SECTM1: variants seen among roughly 807,000 people sequenced by gnomAD.
The protein encoded by SECTM1 is secreted and transmembrane protein 1.
A neutral mutation model predicts 18.1 loss-of-function variants in SECTM1; 10 were observed. The ratio of observed to expected loss-of-function variants is 0.55; its 90% CI spans 0.34 to 0.94. The LOEUF (loss-of-function observed/expected upper bound fraction) is 0.94, where lower values mean the gene tolerates loss of function less well. Among genes scored for constraint, SECTM1 ranks in the 40% least tolerant of loss-of-function variants. The pLI is 0.02. For synonymous variants in SECTM1, 137 were observed against 139.2 expected (o/e 0.98, Z 0.11); for missense variants, 297 against 322.6 (o/e 0.92, Z 0.61).
chr17:82,322,007 G>T lies in SECTM1; in HGVS notation c.*154C>A. 1.5e-6 allele frequency: 1 copy of T among 657,748 alleles called. No individual in the cohort carries two copies. Among genetic ancestry groups the T allele is most frequent in the Non-Finnish European group, 2.6e-6 (1 of 380,016 alleles). The allele number at this position is 657,748 out of a possible 1,614,324, so 40.7% of individuals were successfully genotyped here. ...AAGACCTGGGGGGTGGAGGGGAAGG[G>T]TCTGCACGCACCCAGGAGTGGGTGA... On this transcript the variant is annotated 3_prime_UTR_variant, in exon 5 of 5. Transcript: ENST00000269389.
chr17:82,324,278 G>C (rs1294824649), intron 3 of SECTM1, among the ~76,000 whole-genome samples: 1 of 151,594 alleles, frequency 6.6e-6, no homozygotes, highest in Non-Finnish European at 1.5e-5. Flanking sequence ...GAGCAGCTTT[G>C]TGTTCTGTGT....
Position 82,328,874 on chromosome 17 carries a change from C to T in SECTM1, c.-52-1582G>A, listed in dbSNP as rs2052169775. On this transcript the variant is annotated intron_variant, in intron 1 of 4. Coordinates refer to ENST00000269389, the MANE Select transcript of SECTM1 (RefSeq NM_003004.3). The surrounding 1 kb of genome is among the most constrained non-coding windows in gnomAD (Gnocchi z 5.8). Reference sequence around the variant, plus strand: ...AAGTCCCTAGGTAGGGCGGCAACTCCAGCCCTGCCTCTCCCAGCTCCCAGT... The same window carrying T: ...AAGTCCCTAGGTAGGGCGGCAACTCTAGCCCTGCCTCTCCCAGCTCCCAGT... 6.6e-6 allele frequency among the ~76,000 whole-genome samples: 1 copy of T among 152,200 alleles called. No homozygotes were observed. Among genetic ancestry groups the T allele is most frequent in the African/African-American group, 2.4e-5 (1 of 41,458 alleles).
In SECTM1 at chr17:82,322,984, G is replaced by T; in HGVS notation, c.431C>A (p.Thr144Asn). 1 of 1,613,638 alleles carries T rather than the reference G, an allele frequency of 6.2e-7. No homozygotes were observed. Residue 144 changes from threonine to asparagine, a missense_variant, in exon 4 of 5, where the codon ACT (threonine) becomes AAT (asparagine). Transcript: ENST00000269389. Reference protein sequence around the residue: ...SGAEPQSAPDTGFWPVPAVVT... With the variant: ...SGAEPQSAPDNGFWPVPAVVT... ...CACCGCTGGCACAGGCCAGAACCCA[G>T]TGTCGGGGGCGGACTGGGGTTCTGC...
Position 82,321,861 on chromosome 17 carries a change from CAGAA to C in SECTM1, c.*296_*299del, listed in dbSNP as rs1268907022. 9 of 398,138 alleles carry C rather than the reference CAGAA, an allele frequency of 2.3e-5. No individual in the cohort carries two copies. The highest frequency in any genetic ancestry group is 2.1e-4 in the Admixed American group (5 of 23,662). The allele number at this position is 398,138 out of a possible 1,614,324, so 24.7% of individuals were successfully genotyped here. A position where few individuals can be genotyped will look rare whatever the true frequency, so the allele number is the denominator to read the frequency against. On this transcript the variant is annotated 3_prime_UTR_variant, in exon 5 of 5. Transcript: ENST00000269389. ...CTGGGGCCGGACCAGCCTGGGGTGG[CAGAA>C]AGGGAGTCCGGGTCTGTGGGTTTGA...
chr17:82,332,052 G>C (rs909266118), intron 1 of SECTM1, among the ~76,000 whole-genome samples: 1 of 152,192 alleles, frequency 6.6e-6, no homozygotes, highest in East Asian at 1.9e-4. Context: ...TGAGGCAGGA[G>C]AATCGCTTGA....
rs899331717 is a variant in SECTM1, at chr17:82,333,728, G to C, written c.-81C>G. Reference sequence around the variant, plus strand: ...GTCCGCTCCTGGACGCGCTCCTCTGGGATGCAGCTTCTCCGCGCCCCGGAG... The same window carrying C: ...GTCCGCTCCTGGACGCGCTCCTCTGCGATGCAGCTTCTCCGCGCCCCGGAG... On this transcript the variant is annotated 5_prime_UTR_variant, in exon 1 of 5. Coordinates refer to ENST00000269389, the MANE Select transcript of SECTM1 (RefSeq NM_003004.3). 1.0e-4 allele frequency: 15 copies of C among 148,910 alleles called. No individual in the cohort carries two copies. The highest frequency in any genetic ancestry group is 3.7e-4 in the African/African-American group (15 of 40,764). The allele number at this position is 148,910 out of a possible 1,614,324, so 9.2% of individuals were successfully genotyped here. A position where few individuals can be genotyped will look rare whatever the true frequency, so the allele number is the denominator to read the frequency against.
chr17:82,321,198 T>A lies in SECTM1; in HGVS notation c.*963A>T, dbSNP rs2052084071. ...GGCTGGGGGCTCCCCCCCGTCTTCATCTCGAGGACGCCTTAGGGACGTTTT... is the reference window on the plus strand; with the variant it reads ...GGCTGGGGGCTCCCCCCCGTCTTCAACTCGAGGACGCCTTAGGGACGTTTT... On this transcript the variant is annotated 3_prime_UTR_variant, in exon 5 of 5. Coordinates refer to ENST00000269389, the MANE Select transcript of SECTM1 (RefSeq NM_003004.3). 1 of 152,050 alleles carries A rather than the reference T, an allele frequency of 6.6e-6. No individual in the cohort carries two copies. Among genetic ancestry groups the A allele is most frequent in the Non-Finnish European group, 1.5e-5 (1 of 68,006 alleles). The allele number at this position is 152,050 out of a possible 1,614,324, so 9.4% of individuals were successfully genotyped here. A position where few individuals can be genotyped will look rare whatever the true frequency, so the allele number is the denominator to read the frequency against.
chr17:82,331,945 G>C (rs2052194884), intron 1 of SECTM1, among the ~76,000 whole-genome samples: 1 of 152,036 alleles, frequency 6.6e-6, no homozygotes, highest in African/African-American at 2.4e-5. Context: ...TTTGAGACCA[G>C]TCTGAACAAC....
rs2052084809 is a variant in SECTM1, at chr17:82,321,259, TTTTG to T, written c.*898_*901del. The T allele has an allele frequency of 6.6e-6, 1 of 152,198 alleles. No homozygotes were observed. Among genetic ancestry groups the T allele is most frequent in the African/African-American group, 2.4e-5 (1 of 41,450 alleles). The allele number at this position is 152,198 out of a possible 1,614,324, so 9.4% of individuals were successfully genotyped here. Reference sequence around the variant, plus strand: ...GCCACTAAAGACGTTTCTTTCAGATTTTTGTTTTCCATTTTAAAAATTGCATTTG... The same window carrying T: ...GCCACTAAAGACGTTTCTTTCAGATTTTTTCCATTTTAAAAATTGCATTTG... On this transcript the variant is annotated 3_prime_UTR_variant, in exon 5 of 5. Coordinates refer to ENST00000269389, the MANE Select transcript of SECTM1 (RefSeq NM_003004.3).
At chr17:82,331,462 T>G (rs967328108) in intron 1 of SECTM1, among the ~76,000 whole-genome samples, 6 of 152,184 alleles carry the variant, frequency 3.9e-5, no homozygotes, top group African/African-American at 1.4e-4. Context: ...ACCAGGCACA[T>G]CTGGTCACAT....
intron 1 of SECTM1, among the ~76,000 whole-genome samples, chr17:82,331,440 C>A (rs1169365922): frequency 2.0e-5 from 3 of 152,182 alleles, no homozygotes; most frequent in South Asian, 2.1e-4. Context: ...CAACACAGGC[C>A]CCTCTCAGGT....
At position 82,322,874 on chromosome 17, in the gene SECTM1, C is replaced by T. The variant is rs1213636439; in HGVS notation, c.537+4G>A. 15 of 1,613,506 alleles carry T rather than the reference C, an allele frequency of 9.3e-6. No individual in the cohort carries two copies. The highest frequency in any genetic ancestry group is 1.3e-5 in the Non-Finnish European group (15 of 1,179,876). On this transcript the variant is annotated splice_donor_region_variant and intron_variant, in intron 4 of 4. Transcript: ENST00000269389. ...CGCACAAACTGGGGTGCAGGGCCTC[C>T]TACCTCCCGGCGTTGCTGGGAACAG...
rs1158145378 is a variant in SECTM1 at position 82,330,588 on chromosome 17, C to T, written c.-53+3112G>A. Among the ~76,000 whole-genome samples the T allele has an allele frequency of 2.0e-5, 3 of 152,318 alleles. No homozygotes were observed. The highest frequency in any genetic ancestry group is 4.8e-5 in the African/African-American group (2 of 41,584). On this transcript the variant is annotated intron_variant, in intron 1 of 4. Coordinates refer to ENST00000269389, the MANE Select transcript of SECTM1 (RefSeq NM_003004.3). The surrounding 1 kb of genome is among the most constrained non-coding windows in gnomAD (Gnocchi z 6.1). ...TGCACGCACCTGGCTTCATGCCAAG[C>T]TCCTCCCGCCTGGCAGTGGCTGCAT...
At chr17:82,331,368 T>G (rs1199776906) in intron 1 of SECTM1, among the ~76,000 whole-genome samples, 8 of 152,010 alleles carry the variant, frequency 5.3e-5, no homozygotes, top group Admixed American at 1.3e-4. Flanking sequence ...GGGCAGCAGG[T>G]GTCAGCGACT....
At chr17:82,324,463 G>A (rs2052126781) in intron 3 of SECTM1, 119 bp downstream of exon 3, 3 of 1,123,430 alleles carry the variant, frequency 2.7e-6, no homozygotes, top group African/African-American at 1.6e-5. Flanking sequence ...CCCGGCTCAT[G>A]CCTGCTCTTC....
At position 82,330,230 on chromosome 17, in the gene SECTM1, C is replaced by G. The variant is rs2052180913; in HGVS notation, c.-52-2938G>C. On this transcript the variant is annotated intron_variant, in intron 1 of 4. Coordinates refer to ENST00000269389, the MANE Select transcript of SECTM1 (RefSeq NM_003004.3). The surrounding 1 kb of genome is among the most constrained non-coding windows in gnomAD (Gnocchi z 6.1). Reference sequence around the variant, plus strand: ...CTCCCCCACTGCTCTCCGCACCACCCCGCCGACCGTGTCCGGGAGGGGATG... The same window carrying G: ...CTCCCCCACTGCTCTCCGCACCACCGCGCCGACCGTGTCCGGGAGGGGATG... Among the ~76,000 whole-genome samples the G allele has an allele frequency of 6.6e-6, 1 of 152,196 alleles. No individual in the cohort carries two copies. Among genetic ancestry groups the G allele is most frequent in the Non-Finnish European group, 1.5e-5 (1 of 68,006 alleles).
Position 82,328,815 on chromosome 17 carries a change from C to T in SECTM1, c.-52-1523G>A, listed in dbSNP as rs2052168874. Among the ~76,000 whole-genome samples, 1 of 152,104 alleles carries T rather than the reference C, an allele frequency of 6.6e-6. No individual in the cohort carries two copies. The highest frequency in any genetic ancestry group is 2.4e-5 in the African/African-American group (1 of 41,422). ...GGGCAAGGGTTCGTGGCCAGGCTGC[C>T]CTGCCTCTCGGGTGCCTGCACCCCT... On this transcript the variant is annotated intron_variant, in intron 1 of 4. Transcript: ENST00000269389. This position sits in a 1 kb window ranked among gnomAD's most constrained non-coding sequence, Gnocchi z 5.8.
rs912891159 is a variant in SECTM1 at position 82,326,420 on chromosome 17, C to T, written c.94+727G>A. Among the ~76,000 whole-genome samples the T allele has an allele frequency of 1.1e-4, 17 of 151,660 alleles. No individual in the cohort carries two copies. Among genetic ancestry groups the T allele is most frequent in the African/African-American group, 4.1e-4 (17 of 41,244 alleles). ...TTTGAGACCAGCCTGAGCAACATGG[C>T]AAAACCCCATCTCTACAAAAAATAC... is the stretch of plus-strand genomic sequence containing the variant. On this transcript the variant is annotated intron_variant, in intron 2 of 4. Coordinates refer to ENST00000269389, the MANE Select transcript of SECTM1 (RefSeq NM_003004.3). The surrounding 1 kb of genome is among the most constrained non-coding windows in gnomAD (Gnocchi z 4.3).
intron 1 of SECTM1, 71 bp downstream of exon 1, chr17:82,333,629 T>TCCCCAGCACCGAGCCCCCAGCACCGAG (rs1340985644): frequency 8.8e-5 from 4 of 45,706 alleles, no homozygotes; most frequent in African/African-American, 2.6e-4. Context: ...CAGCACCGAG[T>TCCCCAGCACCGAGCCCCCAGCACCGAG]CCCCAGCACC....
Sources: gnomAD v4.1 joint callset for allele counts (sites outside exome capture counted in the v4.1 genomes callset) on GRCh38, gnomAD v4.1.1 for gene constraint, Gnocchi (gnomAD v3.1) non-coding constraint, MANE v1.5 for transcripts, NCBI Gene and HGNC (gene_info 2026-07-23, HGNC 2026-07-21) for gene names.